TFDP1: variants seen among roughly 807,000 people sequenced by gnomAD.
The protein encoded by TFDP1 is transcription factor Dp-1, also known as DRTF1-polypeptide 1.
Under a neutral mutation model 48.0 loss-of-function variants are expected in TFDP1, and 6 were observed. The ratio of observed to expected loss-of-function variants is 0.13; its 90% CI spans 0.07 to 0.25. TFDP1 has a LOEUF of 0.25. TFDP1 is among the 10% of genes least tolerant of loss of function. TFDP1 has a pLI of 1.00. For synonymous variants in TFDP1, 201 were observed against 211.6 expected, an observed-to-expected ratio of 0.95 and a Z score of 0.44; for missense variants, 335 against 543.0, an observed-to-expected ratio of 0.62 and a Z score of 3.81.
chr13:113,626,022 C>T (rs2049165437), intron 4 of TFDP1, among the ~76,000 whole-genome samples: 1 of 149,132 alleles, frequency 6.7e-6, no homozygotes, highest in Admixed American at 6.6e-5. Context: ...CTCACGTGTC[C>T]TCAGGTGTCT....
At chr13:113,636,772 T>G in intron 10 of TFDP1, 72 bp downstream of exon 10, 1 of 1,527,238 alleles carries the variant, frequency 6.5e-7, no homozygotes, top group Admixed American at 2.0e-5. Flanking sequence ...TGCCCTCCCC[T>G]CCCGGCTCGG....
At chr13:113,588,092 C>T (rs1250917465) in intron 2 of TFDP1, among the ~76,000 whole-genome samples, 1 of 152,174 alleles carries the variant, frequency 6.6e-6, no homozygotes, top group Non-Finnish European at 1.5e-5. Context: ...TCAGGGGATC[C>T]ACCCACCTCG....
At chr13:113,605,206 G>C (rs952576364) in intron 2 of TFDP1, among the ~76,000 whole-genome samples, 12 of 152,194 alleles carry the variant, frequency 7.9e-5, no homozygotes, top group African/African-American at 2.9e-4. Flanking sequence ...GAAAGGGGTG[G>C]GTGTCAGAGA....
At chr13:113,610,937 C>T (rs185011956) in intron 2 of TFDP1, 59 bp from the exon 3 acceptor site, 14 of 1,532,476 alleles carry the variant, frequency 9.1e-6, no homozygotes, top group Non-Finnish European at 1.2e-5. Context: ...TTTTAAACAC[C>T]CCTAGTTTCG....
chr13:113,600,407 CACTTAGGGCTCCAGGACTGT>C (rs1315369005), intron 2 of TFDP1, among the ~76,000 whole-genome samples: 114 of 145,498 alleles, frequency 7.8e-4, no homozygotes, highest in African/African-American at 1.2e-3. Flanking sequence ...AGAATCCTTG[CACTTAGGGCTCCAGGACTGT>C]GAGAGAGAAC....
intron 7 of TFDP1, 52 bp from the exon 8 acceptor site, chr13:113,634,482 G>A (rs1268639501): frequency 6.6e-7 from 1 of 1,519,784 alleles, no homozygotes; most frequent in South Asian, 1.2e-5. Context: ...TTTAAAAAAC[G>A]CTCTGTGGAA....
intron 2 of TFDP1, among the ~76,000 whole-genome samples, chr13:113,594,098 T>A (rs528497692): frequency 7.1e-6 from 1 of 140,894 alleles, no homozygotes; most frequent in African/African-American, 2.8e-5. Flanking sequence ...GTGACAGGTG[T>A]GGTGTACGTG....
chr13:113,632,621 C>CA (rs1426904725), intron 5 of TFDP1, among the ~76,000 whole-genome samples: 3 of 152,064 alleles, frequency 2.0e-5, no homozygotes, highest in Non-Finnish European at 4.4e-5. Flanking sequence ...ATTAAAAATA[C>CA]AAAAAAATTA....
chr13:113,636,929 G>A (rs2049507710), intron 10 of TFDP1, among the ~76,000 whole-genome samples: 1 of 152,312 alleles, frequency 6.6e-6, no homozygotes, highest in East Asian at 1.9e-4. Context: ...GAGTCCACAG[G>A]TGGCTCGTGT....
At position 113,617,173 on chromosome 13, in the gene TFDP1, C is replaced by T. The variant is rs4150751; in HGVS notation, c.80-6007C>T. On this transcript the variant is annotated intron_variant, in intron 3 of 11. Coordinates refer to ENST00000375370, the MANE Select transcript of TFDP1 (RefSeq NM_007111.5). ...CACAGTAGGTGTGTGATTTGTGCAACGGAGGCCTCTGATAACTGCCAGAGT... is the reference window on the plus strand; with the variant it reads ...CACAGTAGGTGTGTGATTTGTGCAATGGAGGCCTCTGATAACTGCCAGAGT... Among the ~76,000 whole-genome samples the T allele has an allele frequency of 1.7e-3, 254 of 152,284 alleles. 1 individual carries two copies. The highest frequency in any genetic ancestry group is 7.7e-3 in the South Asian group (37 of 4,824).
At chr13:113,611,198 C>T in intron 3 of TFDP1, 136 bp downstream of exon 3, 1 of 814,652 alleles carries the variant, frequency 1.2e-6, no homozygotes, top group South Asian at 1.6e-5. Flanking sequence ...TCCGGGAACC[C>T]AGGAGGGTGG....
Position 113,638,040 on chromosome 13 carries a change from G to A in TFDP1, c.1085+144G>A, listed in dbSNP as rs4150816. 8,030 of 1,004,652 alleles carry A rather than the reference G, an allele frequency of 8.0e-3. 229 individuals are homozygous for A. In the East Asian group the frequency reaches 0.086, roughly 11 times the overall value. The allele number at this position is 1,004,652 out of a possible 1,614,324, so 62.2% of individuals were successfully genotyped here. A position where few individuals can be genotyped will look rare whatever the true frequency, so the allele number is the denominator to read the frequency against. The stretch of plus-strand genomic sequence containing the variant: ...TTGTCTGTCCAGGCAGTGGGGCCCC[G>A]CTGGCTTTCCCTGTGTGGAGAGCTG... On this transcript the variant is annotated intron_variant, in intron 11 of 11. Transcript: ENST00000375370.
chr13:113,588,868 T>C (rs1370335102), intron 2 of TFDP1, among the ~76,000 whole-genome samples: 1 of 138,090 alleles, frequency 7.2e-6, no homozygotes. Flanking sequence ...GGAGAGAGAG[T>C]GGTGATGGTG....
intron 2 of TFDP1, among the ~76,000 whole-genome samples, chr13:113,606,370 T>C (rs2048571888): frequency 6.6e-6 from 1 of 152,120 alleles, no homozygotes; most frequent in African/African-American, 2.4e-5. Flanking sequence ...GAGTCCACCA[T>C]CAAGGCCCTG....
rs1263622596 is a variant in TFDP1, at chr13:113,637,497, A to G, written c.1007-321A>G. 2.9e-6 allele frequency: 3 copies of G among 1,037,750 alleles called. No individual in the cohort carries two copies. The African/African-American group carries it at 4.9e-5, about 17-fold the overall frequency. 64.3% of individuals were successfully genotyped at this position (1,037,750 alleles called of 1,614,324 possible). A position where few individuals can be genotyped will look rare whatever the true frequency, so the allele number is the denominator to read the frequency against. On this transcript the variant is annotated intron_variant, in intron 10 of 11. Coordinates refer to ENST00000375370, the MANE Select transcript of TFDP1 (RefSeq NM_007111.5). ...GGATGGGCTGTGGGAAGAGGGTTTC[A>G]GCTTGACACTTTGATTCGGTTCCGT...
At chr13:113,639,842 T>C (rs2049595677) in intron 11 of TFDP1, among the ~76,000 whole-genome samples, 1 of 152,240 alleles carries the variant, frequency 6.6e-6, no homozygotes, top group Admixed American at 6.5e-5. Flanking sequence ...GATGGAATGA[T>C]GAGTGAGGGA....
At chr13:113,611,841 G>A (rs1330653812) in intron 3 of TFDP1, among the ~76,000 whole-genome samples, 1 of 152,164 alleles carries the variant, frequency 6.6e-6, no homozygotes, top group Non-Finnish European at 1.5e-5. Flanking sequence ...AGACAAGCTT[G>A]TGGAAGAGCT....
At chr13:113,634,233 A>T (rs749662438) in intron 7 of TFDP1, 200 bp downstream of exon 7, 22 of 764,630 alleles carry the variant, frequency 2.9e-5, no homozygotes, top group Non-Finnish European at 2.3e-6. Flanking sequence ...GACCCACTAG[A>T]GTCTGTTAAA....
At chr13:113,593,352 C>T (rs1204971420) in intron 2 of TFDP1, among the ~76,000 whole-genome samples, 8 of 120,268 alleles carry the variant, frequency 6.7e-5, no homozygotes, top group African/African-American at 3.4e-5. Context: ...GACAGGTGTG[C>T]TGTGTGTGGG....
Sources: gnomAD v4.1 joint callset for allele counts (sites outside exome capture counted in the v4.1 genomes callset) on GRCh38, gnomAD v4.1.1 for gene constraint, MANE v1.5 for transcripts, NCBI Gene and HGNC (gene_info 2026-07-23, HGNC 2026-07-21) for gene names.